The following DLG2 variants were observed in gnomAD, a reference collection of about 807,000 sequenced individuals.
DLG2 encodes discs large MAGUK scaffold protein 2, also known as disks large homolog 2.
DLG2 carries 45 observed loss-of-function variants against 132.5 expected under a neutral mutation model. The observed-to-expected ratio is 0.34, with a 90% CI of 0.27 to 0.44. DLG2 has a LOEUF of 0.44. Among genes scored for constraint, DLG2 ranks in the 20% least tolerant of loss-of-function variants. DLG2 has a pLI of 1.00. For missense variants in DLG2, 1,045 were observed against 1,196.9 expected (o/e 0.87, Z 1.87); for synonymous variants, 424 against 419.6 (o/e 1.01, Z -0.13).
intron 8 of DLG2, among the ~76,000 whole-genome samples, chr11:84,231,720 C>T (rs1210243434): frequency 2.0e-5 from 3 of 152,002 alleles, no homozygotes; most frequent in South Asian, 4.1e-4. Context: ...CCACTGAAAA[C>T]TTTCAGGTAG....
chr11:84,240,519 C>G (rs2097212749), intron 8 of DLG2, among the ~76,000 whole-genome samples: 2 of 152,098 alleles, frequency 1.3e-5, no homozygotes, highest in Non-Finnish European at 2.9e-5. Context: ...AGACTCCATT[C>G]TCTTTCTACT....
chr11:84,589,333 T>G (rs899562302), intron 6 of DLG2, among the ~76,000 whole-genome samples: 1 of 152,074 alleles, frequency 6.6e-6, no homozygotes, highest in East Asian at 1.9e-4. Flanking sequence ...ACACCCTAAG[T>G]GTATCAGAAA....
intron 19 of DLG2, among the ~76,000 whole-genome samples, chr11:83,628,847 GAGTTATTAAATCA>G (rs2063074342): frequency 1.3e-5 from 2 of 152,036 alleles, no homozygotes; most frequent in Admixed American, 1.3e-4. Flanking sequence ...ACCCATTAGT[GAGTTATTAAATCA>G]AGTTAATGAG....
At chr11:84,644,596 C>T (rs1439511093) in intron 6 of DLG2, among the ~76,000 whole-genome samples, 9 of 151,466 alleles carry the variant, frequency 5.9e-5, no homozygotes, top group African/African-American at 2.2e-4. Flanking sequence ...ATCCCAGCTG[C>T]TTGGGAGGCT....
chr11:84,843,822 G>A (rs2081018526), intron 6 of DLG2, among the ~76,000 whole-genome samples: 1 of 151,470 alleles, frequency 6.6e-6, no homozygotes, highest in Non-Finnish European at 1.5e-5. Flanking sequence ...TTCACAGCAG[G>A]TTGAATCCAT....
intron 4 of DLG2, among the ~76,000 whole-genome samples, chr11:85,200,432 G>C (rs114207610): frequency 1.3e-5 from 2 of 152,148 alleles, no homozygotes; most frequent in African/African-American, 4.8e-5. Context: ...TCCAGAAAGA[G>C]ATTTGTTCAT....
intron 7 of DLG2, among the ~76,000 whole-genome samples, chr11:84,506,651 A>C (rs2099242234): frequency 6.6e-6 from 1 of 152,204 alleles, no homozygotes; most frequent in Non-Finnish European, 1.5e-5. Flanking sequence ...TGACATCCCA[A>C]ACTGTAAGAT....
chr11:84,580,588 C>T (rs1000603621), intron 6 of DLG2, among the ~76,000 whole-genome samples: 2 of 152,194 alleles, frequency 1.3e-5, no homozygotes, highest in East Asian at 3.8e-4. Context: ...CTCCTAGCTG[C>T]GAGTAAAAGG....
At chr11:84,729,945 T>C (rs1308692310) in intron 6 of DLG2, among the ~76,000 whole-genome samples, 1 of 152,042 alleles carries the variant, frequency 6.6e-6, no homozygotes. Flanking sequence ...CATTTTGTTT[T>C]AGCACCAAGT....
At chr11:85,539,388 T>C (rs1231239753) in intron 3 of DLG2, among the ~76,000 whole-genome samples, 1 of 152,226 alleles carries the variant, frequency 6.6e-6, no homozygotes, top group African/African-American at 2.4e-5. Context: ...CTCCCATTAA[T>C]CTTCCTTTGT....
intron 4 of DLG2, among the ~76,000 whole-genome samples, chr11:85,257,125 A>G (rs1368511570): frequency 2.0e-5 from 3 of 152,252 alleles, no homozygotes; most frequent in Non-Finnish European, 4.4e-5. Context: ...TAGACAGGGA[A>G]TGAATAATTT....
At chr11:83,908,509 C>A (rs767744224) in intron 15 of DLG2, among the ~76,000 whole-genome samples, 1 of 152,048 alleles carries the variant, frequency 6.6e-6, no homozygotes, top group South Asian at 2.1e-4. Flanking sequence ...TGTACATACA[C>A]ATACACACCT....
At chr11:85,270,803 A>G (rs2077482666) in intron 4 of DLG2, among the ~76,000 whole-genome samples, 1 of 152,214 alleles carries the variant, frequency 6.6e-6, no homozygotes, top group South Asian at 2.1e-4. Flanking sequence ...AACTTAAGAC[A>G]GATGATTTAG....
At chr11:85,212,336 T>TCTCTCTCTCTCTGTCTTC (rs1491483289) in intron 4 of DLG2, among the ~76,000 whole-genome samples, 18 of 151,658 alleles carry the variant, frequency 1.2e-4, no homozygotes, top group Non-Finnish European at 1.9e-4. Context: ...TCTCCGTCTT[T>TCTCTCTCTCTCTGTCTTC]CTCTCTCTCT....
intron 8 of DLG2, among the ~76,000 whole-genome samples, chr11:84,226,655 C>T (rs928927443): frequency 6.6e-6 from 1 of 152,130 alleles, no homozygotes; most frequent in Non-Finnish European, 1.5e-5. Flanking sequence ...TTTGTTTAAT[C>T]CTTTTAACTA....
At chr11:84,490,667 A>C (rs619894) in intron 7 of DLG2, among the ~76,000 whole-genome samples, 4 of 150,082 alleles carry the variant, frequency 2.7e-5, no homozygotes, top group Non-Finnish European at 4.4e-5. Flanking sequence ...AAAAAAAAAA[A>C]CCCGACAGAT....
chr11:84,911,643 A>T (rs1303738025), intron 6 of DLG2, among the ~76,000 whole-genome samples: 1 of 152,182 alleles, frequency 6.6e-6, no homozygotes, highest in Admixed American at 6.5e-5. Context: ...CCAATCTGTT[A>T]AATGTTCTAA....
chr11:84,734,368 G>A (rs2063550633), intron 6 of DLG2, among the ~76,000 whole-genome samples: 1 of 152,076 alleles, frequency 6.6e-6, no homozygotes, highest in African/African-American at 2.4e-5. Context: ...CTTGTAAGTT[G>A]GATTCCTAGG....
chr11:83,722,854 T>G (rs1294734490), intron 18 of DLG2, among the ~76,000 whole-genome samples: 1 of 152,196 alleles, frequency 6.6e-6, no homozygotes, highest in Non-Finnish European at 1.5e-5. Flanking sequence ...AATACAGTTA[T>G]AGGAGCATAT....
Sources: gnomAD v4.1 joint callset for allele counts (sites outside exome capture counted in the v4.1 genomes callset) on GRCh38, gnomAD v4.1.1 for gene constraint, MANE v1.5 for transcripts, NCBI Gene and HGNC (gene_info 2026-07-23, HGNC 2026-07-21) for gene names.